BCL7A: variants seen among roughly 807,000 people sequenced by gnomAD.
BCL7A encodes the protein BAF chromatin remodeling complex subunit BCL7A.
Under a neutral mutation model 28.4 loss-of-function variants are expected in BCL7A, and 11 were observed. The observed-to-expected ratio is 0.39, with a 90% CI of 0.24 to 0.64. The LOEUF (loss-of-function observed/expected upper bound fraction) is 0.64. Ranked by LOEUF, BCL7A falls within the 30% of genes least tolerant of loss-of-function variation. The probability of loss-of-function intolerance (pLI) is 0.50; values close to 1 mark genes in which losing one functional copy is unlikely to be tolerated. For synonymous variants in BCL7A, 123 were observed against 103.3 expected, an observed-to-expected ratio of 1.19 and a Z score of -1.15; for missense variants, 222 against 274.8, an observed-to-expected ratio of 0.81 and a Z score of 1.36.
chr12:122,034,741 C>CA (rs758389528), intron 2 of BCL7A, among the ~76,000 whole-genome samples: 12,903 of 121,898 alleles, frequency 0.11, 727 homozygotes, highest in Middle Eastern at 0.24. Flanking sequence ...GACTCTGTCT[C>CA]AAAAAAAAAA....
At chr12:122,032,993 T>TG in intron 2 of BCL7A, among the ~76,000 whole-genome samples, 1 of 152,332 alleles carries the variant, frequency 6.6e-6, no homozygotes, top group South Asian at 2.1e-4. Context: ...TTTTTATTGT[T>TG]TTAAACACTC....
At chr12:122,034,094 A>T (rs1444751548) in intron 2 of BCL7A, among the ~76,000 whole-genome samples, 1 of 150,654 alleles carries the variant, frequency 6.6e-6, no homozygotes. Context: ...GCTCGCAAAC[A>T]TGCATGTAAA....
At position 122,061,754 on chromosome 12, in the gene BCL7A, C is replaced by A; in HGVS notation, c.*2591C>A. ...CTGCGGCTACACATTCCACAAAGTG[C>A]TGGCACTTACACCCACAACCCGGAA... On this transcript the variant is annotated 3_prime_UTR_variant, in exon 6 of 6. Coordinates refer to ENST00000261822, the MANE Select transcript of BCL7A (RefSeq NM_001024808.3). 4.3e-6 allele frequency: 1 copy of A among 231,080 alleles called. No homozygotes were observed. The highest frequency in any genetic ancestry group is 5.7e-5 in the Admixed American group (1 of 17,698). The allele number at this position is 231,080 out of a possible 1,614,324, so 14.3% of individuals were successfully genotyped here. A position where few individuals can be genotyped will look rare whatever the true frequency, so the allele number is the denominator to read the frequency against.
At chr12:122,032,336 G>C (rs2135843489) in intron 2 of BCL7A, among the ~76,000 whole-genome samples, 1 of 152,286 alleles carries the variant, frequency 6.6e-6, no homozygotes, top group Middle Eastern at 3.4e-3. Flanking sequence ...ATCTCCCAGG[G>C]AAGAGCAGGG....
chr12:122,050,882 A>G (rs867697027), intron 4 of BCL7A, among the ~76,000 whole-genome samples: 1 of 152,178 alleles, frequency 6.6e-6, no homozygotes, highest in African/African-American at 2.4e-5. Flanking sequence ...CTCGGCCTGG[A>G]GCTGGGGCTT....
At chr12:122,050,298 TGG>T (rs58969734) in intron 4 of BCL7A, among the ~76,000 whole-genome samples, 3 of 118,638 alleles carry the variant, frequency 2.5e-5, no homozygotes, top group African/African-American at 8.1e-5. Context: ...TTCTTTATTG[TGG>T]GGGGGGGGCC....
intron 1 of BCL7A, 136 bp from the exon 2 acceptor site, chr12:122,030,564 C>G (rs966250848): frequency 1.3e-6 from 1 of 784,068 alleles, no homozygotes. Flanking sequence ...CAGGGCCTCC[C>G]GCTAGTGAGG....
intron 1 of BCL7A, among the ~76,000 whole-genome samples, chr12:122,023,604 TCCA>T (rs2135834794): frequency 6.6e-6 from 1 of 152,276 alleles, no homozygotes; most frequent in East Asian, 1.9e-4. Flanking sequence ...TGGGTTTGGC[TCCA>T]GTGGGACAAA....
At chr12:122,047,899 C>CTTTTT (rs776109345) in intron 4 of BCL7A, among the ~76,000 whole-genome samples, 6 of 101,012 alleles carry the variant, frequency 5.9e-5, no homozygotes, top group Non-Finnish European at 9.9e-5. Flanking sequence ...CTGGAGAAGG[C>CTTTTT]TTTTTTTTTT....
chr12:122,043,494 G>A (rs1201274831), intron 3 of BCL7A, among the ~76,000 whole-genome samples: 1 of 151,994 alleles, frequency 6.6e-6, no homozygotes, highest in African/African-American at 2.4e-5. Flanking sequence ...CCACACGGCC[G>A]GGTGCAGTGG....
At position 122,021,957 on chromosome 12, in the gene BCL7A, T is replaced by TGTGTGTGTGAGA; in HGVS notation, c.-134_-133insTGTGTGTGAGAG. Reference sequence around the variant, plus strand: ...GTGTGTGTGTGTGTGTGTGTGTGTGTGAGTGTGTGCGTGTGAGAGTGCGAG... The same window carrying TGTGTGTGTGAGA: ...GTGTGTGTGTGTGTGTGTGTGTGTGTGTGTGTGTGAGAGAGTGTGTGCGTGTGAGAGTGCGAG... On this transcript the variant is annotated 5_prime_UTR_variant, in exon 1 of 6. An upstream open reading frame in the 5' UTR loses its in-frame stop. Transcript: ENST00000261822. 1.0e-5 allele frequency: 6 copies of TGTGTGTGTGAGA among 583,464 alleles called. No individual in the cohort carries two copies. Among genetic ancestry groups the TGTGTGTGTGAGA allele is most frequent in the South Asian group, 3.8e-5 (2 of 53,222 alleles). 36.1% of individuals were successfully genotyped at this position (583,464 alleles called of 1,614,324 possible).
chr12:122,042,324 G>C (rs1430774309), intron 3 of BCL7A, among the ~76,000 whole-genome samples: 1 of 152,072 alleles, frequency 6.6e-6, no homozygotes, highest in Non-Finnish European at 1.5e-5. Flanking sequence ...CAATGTGTTA[G>C]ATTTTTGTAA....
At chr12:122,022,438 G>T (rs113071135) in intron 1 of BCL7A, among the ~76,000 whole-genome samples, 1 of 145,174 alleles carries the variant, frequency 6.9e-6, no homozygotes, top group South Asian at 2.1e-4. Context: ...GGAGGCGGCG[G>T]GCGCCGGGGC....
In BCL7A at chr12:122,046,904, GT is replaced by G. The variant is rs746529090; in HGVS notation, c.439+2867del. Reference sequence around the variant, plus strand: ...AAAGGAAAATTAAGATATTTCTTGGGTTTTTTTTTTTTTTTTCCAGACGGAG... The same window carrying G: ...AAAGGAAAATTAAGATATTTCTTGGGTTTTTTTTTTTTTTTCCAGACGGAG... On this transcript the variant is annotated intron_variant, in intron 4 of 5. Coordinates refer to ENST00000261822, the MANE Select transcript of BCL7A (RefSeq NM_001024808.3). 7.2e-3 allele frequency among the ~76,000 whole-genome samples: 1,002 copies of G among 138,840 alleles called. 3 individuals are homozygous for G. Among genetic ancestry groups the G allele is most frequent in the Middle Eastern group, 0.015 (4 of 270 alleles). 91.1% of individuals were successfully genotyped at this position (138,840 alleles called of 152,430 possible).
At chr12:122,044,841 TAATA>T (rs1447466326) in intron 4 of BCL7A, among the ~76,000 whole-genome samples, 2 of 152,086 alleles carry the variant, frequency 1.3e-5, no homozygotes, top group Non-Finnish European at 2.9e-5. Flanking sequence ...ATAATTATAT[TAATA>T]AATTTTAAAT....
intron 4 of BCL7A, among the ~76,000 whole-genome samples, chr12:122,048,471 C>T (rs1165273365): frequency 2.6e-5 from 4 of 152,064 alleles, no homozygotes; most frequent in Non-Finnish European, 5.9e-5. Flanking sequence ...GGCAGGCTGG[C>T]CGGGTGCAGT....
chr12:122,023,956 G>A (rs934425893), intron 1 of BCL7A, among the ~76,000 whole-genome samples: 1 of 152,166 alleles, frequency 6.6e-6, no homozygotes, highest in Non-Finnish European at 1.5e-5. Flanking sequence ...GGCGTGGTGG[G>A]GCCTCCTACT....
chr12:122,025,946 CAAA>C (rs1204623444), intron 1 of BCL7A, among the ~76,000 whole-genome samples: 5,584 of 107,730 alleles, frequency 0.052, 202 homozygotes, highest in East Asian at 0.27. Flanking sequence ...GACTCCATCT[CAAA>C]AAAAAAAAAA....
chr12:122,052,679 T>G (rs1324920834), intron 4 of BCL7A, among the ~76,000 whole-genome samples: 5 of 151,784 alleles, frequency 3.3e-5, no homozygotes, highest in Admixed American at 3.3e-4. Context: ...TATTGTTTTG[T>G]TTTTTGTTTT....
Sources: allele counts gnomAD v4.1 joint callset (sites outside exome capture counted in the v4.1 genomes callset), GRCh38; gene constraint gnomAD v4.1.1; transcripts MANE v1.5; gene names NCBI Gene and HGNC (gene_info 2026-07-23, HGNC 2026-07-21).